The following NBAS variants were observed in gnomAD, a reference collection of about 807,000 sequenced individuals.
NBAS encodes NAG/BC035112 fusion.
A neutral mutation model predicts 302.5 loss-of-function variants in NBAS; 219 were observed. That is an observed-to-expected ratio of 0.72 (90% confidence interval 0.65 to 0.81). The LOEUF (loss-of-function observed/expected upper bound fraction) is 0.81, where lower values mean the gene tolerates loss of function less well. Among genes scored for constraint, NBAS ranks in the 30% least tolerant of loss-of-function variants. The probability of loss-of-function intolerance (pLI) is 0.00; values close to 1 mark genes in which losing one functional copy is unlikely to be tolerated. For missense variants in NBAS, 2,932 were observed against 2,841.6 expected (o/e 1.03, Z -0.72); for synonymous variants, 1,118 against 1,021.6 (o/e 1.09, Z -1.80).
At chr2:15,497,946 A>G (rs1304146428) in intron 11 of NBAS, among the ~76,000 whole-genome samples, 1 of 152,210 alleles carries the variant, frequency 6.6e-6, no homozygotes, top group Non-Finnish European at 1.5e-5. Flanking sequence ...AACCATCTCT[A>G]TCAAAAGATA....
the NBAS span, among the ~76,000 whole-genome samples, chr2:14,936,506 T>C: frequency 1.3e-5 from 2 of 152,178 alleles, no homozygotes; most frequent in African/African-American, 4.8e-5. Context: ...CACGGTGAAA[T>C]ATCAGTTCAT....
rs942769694 is a variant in NBAS at position 15,538,209 on chromosome 2, G to C, written c.513+1014C>G. The C allele has an allele frequency of 1.8e-5, 4 of 224,808 alleles. 1 individual carries two copies. The South Asian group carries it at 2.3e-4, about 13-fold the overall frequency. 13.9% of individuals were successfully genotyped at this position (224,808 alleles called of 1,614,324 possible). A position where few individuals can be genotyped will look rare whatever the true frequency, so the allele number is the denominator to read the frequency against. ...TAAATAAACTTCACCTGTAGTTATTGTATATGTGACCAAATATAAAATTAC... is the reference window on the plus strand; with the variant it reads ...TAAATAAACTTCACCTGTAGTTATTCTATATGTGACCAAATATAAAATTAC... On this transcript the variant is annotated intron_variant, in intron 7 of 51. Coordinates refer to ENST00000281513, the MANE Select transcript of NBAS (RefSeq NM_015909.4).
the NBAS span, among the ~76,000 whole-genome samples, chr2:14,925,843 T>C: frequency 1.3e-5 from 2 of 152,224 alleles, no homozygotes; most frequent in Non-Finnish European, 2.9e-5. Context: ...ATTAAACAGT[T>C]AAGATGGACT....
chr2:15,539,094 G>A (rs1192581965), intron 7 of NBAS, 129 bp downstream of exon 7: 22 of 1,247,164 alleles, frequency 1.8e-5, no homozygotes, highest in South Asian at 1.0e-4. Flanking sequence ...GATTCTGGGC[G>A]TCTTAAGTCC....
At position 15,528,866 on chromosome 2, in the gene NBAS, CAAA is replaced by C. The variant is rs67437705; in HGVS notation, c.746+5674_746+5676del. Among the ~76,000 whole-genome samples, 138 of 88,714 alleles carry C rather than the reference CAAA, an allele frequency of 1.6e-3. 1 individual carries two copies. The highest frequency in any genetic ancestry group is 4.8e-3 in the African/African-American group (118 of 24,480). 58.2% of individuals were successfully genotyped at this position (88,714 alleles called of 152,430 possible). A position where few individuals can be genotyped will look rare whatever the true frequency, so the allele number is the denominator to read the frequency against. ...TGGGCAACAGAGTGAGACTCCATCTCAAAAAAAAAAAAATATATATATATATAT... is the reference window on the plus strand; with the variant it reads ...TGGGCAACAGAGTGAGACTCCATCTCAAAAAAAAAATATATATATATATAT... On this transcript the variant is annotated intron_variant, in intron 9 of 51. Coordinates refer to ENST00000281513, the MANE Select transcript of NBAS (RefSeq NM_015909.4).
At chr2:14,957,135 G>C in the NBAS span, among the ~76,000 whole-genome samples, 71 of 152,118 alleles carry the variant, frequency 4.7e-4, no homozygotes. Context: ...TTCTCCATCA[G>C]AGCCTTCAGA....
the NBAS span, among the ~76,000 whole-genome samples, chr2:14,971,304 C>G: frequency 6.6e-6 from 1 of 152,066 alleles, no homozygotes; most frequent in African/African-American, 2.4e-5. Flanking sequence ...ATCACAAAGT[C>G]AGGAGTTCGA....
the NBAS span, among the ~76,000 whole-genome samples, chr2:14,798,420 G>A: frequency 6.6e-6 from 1 of 152,094 alleles, no homozygotes; most frequent in African/African-American, 2.4e-5. Context: ...TGCATTCGTA[G>A]AAAAAACTCC....
chr2:15,294,671 C>T (rs959750577), intron 40 of NBAS, among the ~76,000 whole-genome samples: 2 of 152,148 alleles, frequency 1.3e-5, no homozygotes, highest in Middle Eastern at 3.2e-3. Context: ...GCCTGCTGCT[C>T]TTATGCCTCA....
At chr2:15,265,278 C>T (rs999909744) in intron 44 of NBAS, among the ~76,000 whole-genome samples, 2 of 152,082 alleles carry the variant, frequency 1.3e-5, no homozygotes, top group African/African-American at 4.8e-5. Context: ...AATCAGGAGA[C>T]CTGTGTTTGA....
the NBAS span, among the ~76,000 whole-genome samples, chr2:15,031,268 G>A: frequency 6.6e-6 from 1 of 152,286 alleles, no homozygotes; most frequent in East Asian, 1.9e-4. Flanking sequence ...CTAAATAGCT[G>A]TGTGAGCTTG....
At chr2:15,401,095 C>T (rs988648097) in intron 26 of NBAS, among the ~76,000 whole-genome samples, 8 of 151,854 alleles carry the variant, frequency 5.3e-5, no homozygotes, top group African/African-American at 1.5e-4. Context: ...CCACCCTTCA[C>T]GACTTGGTTA....
chr2:15,554,755 A>G (rs1298754340), intron 3 of NBAS, among the ~76,000 whole-genome samples: 1 of 151,620 alleles, frequency 6.6e-6, no homozygotes, highest in African/African-American at 2.4e-5. Flanking sequence ...CAGGGAGACT[A>G]AAGACTCTCT....
chr2:15,003,661 C>T, the NBAS span, among the ~76,000 whole-genome samples: 1 of 152,328 alleles, frequency 6.6e-6, no homozygotes, highest in African/African-American at 2.4e-5. Flanking sequence ...CAAGCCTCCT[C>T]CTCCTCTGAG....
At chr2:14,875,982 C>A in the NBAS span, among the ~76,000 whole-genome samples, 8 of 152,194 alleles carry the variant, frequency 5.3e-5, no homozygotes, top group East Asian at 1.5e-3. Flanking sequence ...ATTGAGCCCT[C>A]CAGGATCCAT....
chr2:15,237,972 T>A (rs1200752736), intron 45 of NBAS, among the ~76,000 whole-genome samples: 1 of 152,096 alleles, frequency 6.6e-6, no homozygotes, highest in Non-Finnish European at 1.5e-5. Context: ...AGACGGGGTT[T>A]CACCATGTTG....
intron 21 of NBAS, among the ~76,000 whole-genome samples, chr2:15,439,607 A>G (rs1678235493): frequency 6.6e-6 from 1 of 152,072 alleles, no homozygotes; most frequent in South Asian, 2.1e-4. Flanking sequence ...CTGCATTTCC[A>G]TCTGAGGTAC....
chr2:14,834,442 A>G, the NBAS span, among the ~76,000 whole-genome samples: 2 of 152,092 alleles, frequency 1.3e-5, no homozygotes, highest in African/African-American at 4.8e-5. Context: ...AATCTCCTCA[A>G]AAGAGGTGAC....
chr2:15,480,512 T>A (rs1680386281), intron 12 of NBAS, among the ~76,000 whole-genome samples: 1 of 152,066 alleles, frequency 6.6e-6, no homozygotes, highest in Non-Finnish European at 1.5e-5. Flanking sequence ...TATAGGGGCC[T>A]TCGAAGGATG....
Sources: allele counts gnomAD v4.1 joint callset (sites outside exome capture counted in the v4.1 genomes callset), GRCh38; gene constraint gnomAD v4.1.1; transcripts MANE v1.5; gene names NCBI Gene and HGNC (gene_info 2026-07-23, HGNC 2026-07-21).